Variants in STRN observed in about 807,000 individuals in gnomAD.
The protein encoded by STRN is striatin, also known as protein phosphatase 2 regulatory subunit B'''alpha.
STRN carries 53 observed loss-of-function variants against 96.3 expected under a neutral mutation model. That is an observed-to-expected ratio of 0.55 (90% CI 0.44 to 0.69). The LOEUF is 0.69. Among genes scored for constraint, STRN ranks in the 30% least tolerant of loss-of-function variants. STRN has a pLI of 0.00. For missense variants in STRN, 987 were observed against 963.9 expected (o/e 1.02, Z -0.32); for synonymous variants, 428 against 355.9 (o/e 1.20, Z -2.28).
In STRN at chr2:36,849,806, G is replaced by A; in HGVS notation, c.2087-6C>T. The A allele has an allele frequency of 6.2e-7, 1 of 1,613,634 alleles. No homozygotes were observed. The highest frequency in any genetic ancestry group is 8.5e-7 in the Non-Finnish European group (1 of 1,179,756). On this transcript the variant is annotated splice_region_variant and splice_polypyrimidine_tract_variant and intron_variant, in intron 16 of 17. Coordinates refer to ENST00000263918, the MANE Select transcript of STRN (RefSeq NM_003162.4). ...CATCGAGTGGATCAGTTTGCCTTTGGAAAAAGAGATTGTTACTCCTTATTA... is the reference window on the plus strand; with the variant it reads ...CATCGAGTGGATCAGTTTGCCTTTGAAAAAAGAGATTGTTACTCCTTATTA...
chr2:36,856,175 G>C (rs1278677910), intron 14 of STRN, among the ~76,000 whole-genome samples: 1 of 152,184 alleles, frequency 6.6e-6, no homozygotes, highest in Non-Finnish European at 1.5e-5. Context: ...CTGTATGTTT[G>C]TAAGGATGCA....
At chr2:36,850,950 G>A (rs763034572) in intron 16 of STRN, 50 bp downstream of exon 16, 3 of 978,332 alleles carry the variant, frequency 3.1e-6, no homozygotes, top group Non-Finnish European at 4.3e-6. Flanking sequence ...CTTGTGGTAG[G>A]GATTTTTTTT....
chr2:36,859,768 G>C (rs1243073445), intron 13 of STRN, among the ~76,000 whole-genome samples: 1 of 152,170 alleles, frequency 6.6e-6, no homozygotes, highest in Non-Finnish European at 1.5e-5. Context: ...AAAGCCAATA[G>C]AATGGACAGA....
intron 1 of STRN, among the ~76,000 whole-genome samples, chr2:36,963,127 A>G (rs1235882341): frequency 6.6e-6 from 1 of 152,214 alleles, no homozygotes; most frequent in Non-Finnish European, 1.5e-5. Context: ...CAAGAGTGAA[A>G]TAAGTGACAA....
Position 36,943,401 on chromosome 2 carries a change from T to A in STRN, c.235-18193A>T, listed in dbSNP as rs988221515. 7.3e-5 allele frequency among the ~76,000 whole-genome samples: 11 copies of A among 150,594 alleles called. 1 individual carries two copies. Among genetic ancestry groups the A allele is most frequent in the Non-Finnish European group, 7.4e-5 (5 of 67,768 alleles). On this transcript the variant is annotated intron_variant, in intron 1 of 17. Coordinates refer to ENST00000263918, the MANE Select transcript of STRN (RefSeq NM_003162.4). The stretch of plus-strand genomic sequence containing the variant: ...GGGACTAGAACTATATATATATATA[T>A]AAATATATAAGATTAATAAAACTTT...
chr2:36,928,106 G>C (rs17020071), intron 1 of STRN, among the ~76,000 whole-genome samples: 49,453 of 151,758 alleles, frequency 0.33, 8,282 homozygotes, highest in East Asian at 0.54. Flanking sequence ...TTAGATATTA[G>C]AAACAGTCTT....
intron 7 of STRN, among the ~76,000 whole-genome samples, chr2:36,891,119 CA>C (rs1669385129): frequency 6.6e-6 from 1 of 152,138 alleles, no homozygotes; most frequent in Non-Finnish European, 1.5e-5. Flanking sequence ...TGGCAGTGCT[CA>C]AAAAGTTTCA....
intron 10 of STRN, 150 bp from the exon 11 acceptor site, chr2:36,869,879 A>T (rs1265574619): frequency 1.7e-6 from 1 of 579,650 alleles, no homozygotes; most frequent in Admixed American, 4.0e-5. Flanking sequence ...AAATAACCAA[A>T]CCACGAAGCA....
rs531695762 is a variant in STRN at position 36,906,392 on chromosome 2, G to A, written c.413-774C>T. Among the ~76,000 whole-genome samples the A allele has an allele frequency of 3.9e-5, 6 of 152,200 alleles. No individual in the cohort carries two copies. The East Asian group carries it at 1.2e-3, about 29-fold the overall frequency. On this transcript the variant is annotated intron_variant, in intron 3 of 17. Transcript: ENST00000263918. ...GAGAATCACCTTAGCCTGGGAAGAC[G>A]AGGCTGCAGTGAGCTGTGATCGTGC...
rs112254701 is a variant in STRN, at chr2:36,928,685, C to T, written c.235-3477G>A. 4.4e-3 allele frequency among the ~76,000 whole-genome samples: 660 copies of T among 149,024 alleles called. 5 individuals are homozygous for T. Among genetic ancestry groups the T allele is most frequent in the African/African-American group, 0.016 (636 of 40,308 alleles). On this transcript the variant is annotated intron_variant, in intron 1 of 17. Transcript: ENST00000263918. ...AAAGGCAGGGCGCAGTGGCTCACTCCTGTAATCCCAGCACTTTGGGAGGCC... is the reference window on the plus strand; with the variant it reads ...AAAGGCAGGGCGCAGTGGCTCACTCTTGTAATCCCAGCACTTTGGGAGGCC...
At chr2:36,933,979 G>A (rs1390568275) in intron 1 of STRN, among the ~76,000 whole-genome samples, 4 of 152,122 alleles carry the variant, frequency 2.6e-5, no homozygotes. Context: ...GGGTGTGGTG[G>A]CGGGCGCCTG....
chr2:36,940,652 C>T (rs1403050901), intron 1 of STRN, among the ~76,000 whole-genome samples: 1 of 150,446 alleles, frequency 6.6e-6, no homozygotes, highest in Non-Finnish European at 1.5e-5. Flanking sequence ...ATGGTGAAAC[C>T]CCATCTCTAC....
intron 3 of STRN, among the ~76,000 whole-genome samples, chr2:36,910,924 G>C (rs577389146): frequency 1.3e-5 from 2 of 151,980 alleles, no homozygotes; most frequent in Non-Finnish European, 2.9e-5. Flanking sequence ...TGAAGGTCTG[G>C]ACGTGGGACA....
At chr2:36,901,973 C>A (rs2148199290) in intron 5 of STRN, among the ~76,000 whole-genome samples, 1 of 152,236 alleles carries the variant, frequency 6.6e-6, no homozygotes, top group South Asian at 2.1e-4. Context: ...ATTCAATTAA[C>A]AATCACGGAA....
At chr2:36,867,178 A>G (rs1351494413) in intron 12 of STRN, among the ~76,000 whole-genome samples, 2 of 152,110 alleles carry the variant, frequency 1.3e-5, no homozygotes, top group Non-Finnish European at 2.9e-5. Flanking sequence ...TTTTGTTTCC[A>G]TGTTTAGAAA....
chr2:36,859,771 T>G (rs1668431125), intron 13 of STRN, among the ~76,000 whole-genome samples: 1 of 152,096 alleles, frequency 6.6e-6, no homozygotes, highest in Non-Finnish European at 1.5e-5. Flanking sequence ...GCCAATAGAA[T>G]GGACAGATTT....
In STRN at chr2:36,843,892, A is replaced by AT. The variant is rs375881643; in HGVS notation, c.*5563dup. 1.7e-3 allele frequency: 264 copies of AT among 152,326 alleles called. 1 individual carries two copies. The highest frequency in any genetic ancestry group is 6.0e-3 in the African/African-American group (251 of 41,582). 9.4% of individuals were successfully genotyped at this position (152,326 alleles called of 1,614,324 possible). On this transcript the variant is annotated 3_prime_UTR_variant, in exon 18 of 18. Transcript: ENST00000263918. The stretch of plus-strand genomic sequence containing the variant: ...TAGCTTATCCATACCCTGAATTTAC[A>AT]TAAGAAACTTCTTGCACCACAAAAA...
Position 36,893,939 on chromosome 2 carries a change from C to G in STRN, c.890G>C (p.Gly297Ala), listed in dbSNP as rs754744014. The G allele has an allele frequency of 3.1e-6, 5 of 1,613,372 alleles. No individual in the cohort carries two copies. In the South Asian group the frequency reaches 4.4e-5, roughly 14 times the overall value. The change falls in exon 7 of 18, where the codon GGA becomes GCA. Residue 297 changes from glycine (G) to alanine (A), a missense_variant. Gly to Ala is a moderately conservative substitution (Grantham distance 60, BLOSUM62 0). Transcript: ENST00000263918. ...GCCTGCACTTCTAGATTCATTGTCT[C>G]CTTCCTCTGATGTAACCAAGAAGTC... ...EFDFLVTSEE[G>A]DNESRSAGDG...
chr2:36,890,990 G>A (rs971632771), intron 7 of STRN, among the ~76,000 whole-genome samples: 5 of 152,120 alleles, frequency 3.3e-5, no homozygotes, highest in Non-Finnish European at 7.4e-5. Flanking sequence ...GGGACTAGAA[G>A]TATTTCGGAT....
Sources: gnomAD v4.1 joint callset for allele counts (sites outside exome capture counted in the v4.1 genomes callset) on GRCh38, gnomAD v4.1.1 for gene constraint, MANE v1.5 for transcripts, NCBI Gene and HGNC (gene_info 2026-07-23, HGNC 2026-07-21) for gene names.